Variants in HMBOX1 observed in about 807,000 individuals in gnomAD.
The protein encoded by HMBOX1 is homeobox containing 1, also known as homeobox-containing protein 1.
In HMBOX1, 14 loss-of-function variants were observed where a neutral mutation model predicts 54.5. The ratio of observed to expected loss-of-function variants is 0.26; its 90% CI spans 0.17 to 0.40. HMBOX1 has a LOEUF of 0.40. Among genes scored for constraint, HMBOX1 ranks in the 10% least tolerant of loss-of-function variants. The pLI, the probability that HMBOX1 is intolerant of heterozygous loss-of-function variation, is 1.00. For synonymous variants in HMBOX1, 160 were observed against 181.0 expected, an observed-to-expected ratio of 0.88 and a Z score of 0.93; for missense variants, 332 against 514.4, an observed-to-expected ratio of 0.65 and a Z score of 3.43.
intron 4 of HMBOX1, among the ~76,000 whole-genome samples, chr8:28,992,869 CAAAAAAAA>C (rs34488854): frequency 1.7e-5 from 1 of 57,242 alleles, no homozygotes; most frequent in Non-Finnish European, 2.9e-5. Context: ...GACTCTGTCT[CAAAAAAAA>C]AAAAAAAAAA....
intron 1 of HMBOX1, among the ~76,000 whole-genome samples, chr8:28,914,322 G>C (rs1388842168): frequency 6.6e-6 from 1 of 152,042 alleles, no homozygotes; most frequent in African/African-American, 2.4e-5. Flanking sequence ...ATTAGAAAAC[G>C]ATTGGGACTT....
chr8:29,013,080 T>A (rs1834415471), intron 5 of HMBOX1, among the ~76,000 whole-genome samples: 1 of 152,196 alleles, frequency 6.6e-6, no homozygotes, highest in South Asian at 2.1e-4. Flanking sequence ...GTTTGTATAT[T>A]CTATGACTCT....
At chr8:29,037,396 C>A (rs1334045890) in intron 6 of HMBOX1, among the ~76,000 whole-genome samples, 1 of 152,054 alleles carries the variant, frequency 6.6e-6, no homozygotes, top group Non-Finnish European at 1.5e-5. Flanking sequence ...TTTAAGACAG[C>A]AAACTTTATT....
chr8:28,923,968 G>T (rs914570079), intron 1 of HMBOX1, among the ~76,000 whole-genome samples: 28 of 151,644 alleles, frequency 1.8e-4, no homozygotes, highest in South Asian at 4.2e-4. Context: ...CTGTTTTTTT[G>T]TTGTTGTTGT....
chr8:29,050,980 C>T, intron 9 of HMBOX1, 38 bp from the exon 10 acceptor site: 4 of 1,593,224 alleles, frequency 2.5e-6, no homozygotes, highest in Non-Finnish European at 3.4e-6. Flanking sequence ...AGAATTCTTC[C>T]AATCCACTAA....
At chr8:28,908,139 C>G (rs576787029) in intron 1 of HMBOX1, among the ~76,000 whole-genome samples, 1 of 152,256 alleles carries the variant, frequency 6.6e-6, no homozygotes, top group Admixed American at 6.5e-5. Context: ...AGGCATAAGC[C>G]ACTGTGCCCA....
At chr8:29,006,015 CAG>C (rs1833404644) in intron 4 of HMBOX1, among the ~76,000 whole-genome samples, 1 of 123,410 alleles carries the variant, frequency 8.1e-6, no homozygotes, top group Non-Finnish European at 1.6e-5. Context: ...TTTTTTGAGA[CAG>C]AGTGTCACTC....
At chr8:28,894,801 T>C (rs1811763207) in intron 1 of HMBOX1, among the ~76,000 whole-genome samples, 4 of 152,198 alleles carry the variant, frequency 2.6e-5, no homozygotes. Flanking sequence ...ATTTAGCTCC[T>C]GGAAGGGCCC....
chr8:28,924,492 T>C (rs973248943), intron 1 of HMBOX1: 1 of 151,586 alleles, frequency 6.6e-6, no homozygotes, highest in African/African-American at 2.4e-5. Flanking sequence ...TTTTGGTGTC[T>C]TGCCCAAGAA....
chr8:29,005,819 ATATATAGT>A (rs1833371780), intron 4 of HMBOX1, among the ~76,000 whole-genome samples: 1 of 152,206 alleles, frequency 6.6e-6, no homozygotes, highest in South Asian at 2.1e-4. Flanking sequence ...AAAATGAATC[ATATATAGT>A]TATGTATGGC....
At chr8:28,996,239 T>C (rs549284460) in intron 4 of HMBOX1, among the ~76,000 whole-genome samples, 1 of 152,222 alleles carries the variant, frequency 6.6e-6, no homozygotes, top group African/African-American at 2.4e-5. Flanking sequence ...AGTTCATATA[T>C]AAGTTGAGTT....
intron 5 of HMBOX1, among the ~76,000 whole-genome samples, chr8:29,010,802 A>G (rs1162132190): frequency 2.0e-5 from 3 of 152,180 alleles, no homozygotes; most frequent in Middle Eastern, 3.4e-3. Flanking sequence ...TTTCTTTAGT[A>G]TCTCTTTTAG....
At chr8:28,973,817 T>TTG (rs1827900162) in intron 3 of HMBOX1, among the ~76,000 whole-genome samples, 4 of 128,368 alleles carry the variant, frequency 3.1e-5, no homozygotes, top group Admixed American at 1.5e-4. Context: ...TTTTTTTTTT[T>TTG]TTTTTTTTTT....
At position 28,973,803 on chromosome 8, in the gene HMBOX1, G is replaced by GTTTTTTT. The variant is rs71222583; in HGVS notation, c.500+3309_500+3315dup. Among the ~76,000 whole-genome samples the GTTTTTTT allele has an allele frequency of 3.0e-4, 22 of 72,612 alleles. 3 individuals carry two copies. The highest frequency in any genetic ancestry group is 4.9e-4 in the Non-Finnish European group (19 of 38,954). The allele number at this position is 72,612 out of a possible 152,430, so 47.6% of individuals were successfully genotyped here. Reference sequence around the variant, plus strand: ...TAATAATTTCGAGATACATAATGGAGTTTTTTTTTTTTTTTTTTTTTTTTT... The same window carrying GTTTTTTT: ...TAATAATTTCGAGATACATAATGGAGTTTTTTTTTTTTTTTTTTTTTTTTTTTTTTTT... On this transcript the variant is annotated intron_variant, in intron 3 of 9. Transcript: ENST00000287701.
intron 2 of HMBOX1, among the ~76,000 whole-genome samples, chr8:28,965,080 AG>A (rs1826213198): frequency 6.6e-6 from 1 of 152,244 alleles, no homozygotes; most frequent in African/African-American, 2.4e-5. Flanking sequence ...GAAAATAGTA[AG>A]ATGTCTAATA....
At chr8:28,962,417 A>G (rs1011074229) in intron 1 of HMBOX1, among the ~76,000 whole-genome samples, 3 of 123,910 alleles carry the variant, frequency 2.4e-5, no homozygotes, top group Non-Finnish European at 5.3e-5. Flanking sequence ...GATCCCCTCT[A>G]GAAGGGGAGC....
At chr8:28,892,382 A>T (rs574687427) in intron 1 of HMBOX1, among the ~76,000 whole-genome samples, 25 of 152,328 alleles carry the variant, frequency 1.6e-4, no homozygotes, top group Non-Finnish European at 3.5e-4. Flanking sequence ...AATATTTAAT[A>T]ACACACTAGG....
rs184636379 is a variant in HMBOX1 at position 29,046,567 on chromosome 8, C to T, written c.935-791C>T. Among the ~76,000 whole-genome samples, 22 of 152,336 alleles carry T rather than the reference C, an allele frequency of 1.4e-4. No individual in the cohort carries two copies. In the East Asian group the frequency reaches 2.5e-3, roughly 17 times the overall value. On this transcript the variant is annotated intron_variant, in intron 7 of 9. Coordinates refer to ENST00000287701, the MANE Select transcript of HMBOX1 (RefSeq NM_001135726.3). Reference sequence around the variant, plus strand: ...CAGTTACAGTAATGGATAGTCATAGCGGCCTTCAGCCTTCAAGAAAACATG... The same window carrying T: ...CAGTTACAGTAATGGATAGTCATAGTGGCCTTCAGCCTTCAAGAAAACATG...
chr8:28,922,661 C>A (rs1241609700), intron 1 of HMBOX1, among the ~76,000 whole-genome samples: 1 of 152,154 alleles, frequency 6.6e-6, no homozygotes, highest in Admixed American at 6.5e-5. Flanking sequence ...CTAGTTAACT[C>A]ACCAGGCATT....
Sources: allele counts gnomAD v4.1 joint callset (sites outside exome capture counted in the v4.1 genomes callset), GRCh38; gene constraint gnomAD v4.1.1; transcripts MANE v1.5; gene names NCBI Gene and HGNC (gene_info 2026-07-23, HGNC 2026-07-21).